The following REG3G variants were observed in gnomAD, a reference collection of about 807,000 sequenced individuals.
REG3G encodes the protein regenerating islet-derived protein 3-gamma.
REG3G carries 19 observed loss-of-function variants against 20.9 expected under a neutral mutation model. The observed-to-expected ratio is 0.91, with a 90% confidence interval of 0.64 to 1.34. The LOEUF (loss-of-function observed/expected upper bound fraction) is 1.34, where lower values mean the gene tolerates loss of function less well. Among genes scored for constraint, REG3G ranks in the 40% most tolerant of loss-of-function variants. REG3G has a pLI of 0.00. For missense variants in REG3G, 235 were observed against 205.0 expected (o/e 1.15, Z -0.89); for synonymous variants, 89 against 77.4 (o/e 1.15, Z -0.79).
At position 79,026,621 on chromosome 2, in the gene REG3G, C is replaced by T; in HGVS notation, c.77-92C>T. 3.0e-6 allele frequency: 3 copies of T among 1,005,772 alleles called. No individual in the cohort carries two copies. The South Asian group carries it at 4.6e-5, about 15-fold the overall frequency. The allele number at this position is 1,005,772 out of a possible 1,614,324, so 62.3% of individuals were successfully genotyped here. ...GAAGAGCTGTCAGGAATGTGGTCTT[C>T]CTCCCCAAGGGCAGACCTAGATATT... On this transcript the variant is annotated intron_variant, in intron 2 of 5. Coordinates refer to ENST00000272324, the MANE Select transcript of REG3G (RefSeq NM_001008387.3).
chr2:79,027,053 C>G lies in REG3G; in HGVS notation c.215C>G (p.Pro72Arg), dbSNP rs115709602. ...MDADLACQKR[P>R]SGKLVSVLSG... Reference sequence around the variant, plus strand: ...TCAAAGCTGGCTTGCCAGAAGCGGCCCTCTGGAAAACTGGTGTCTGTGCTC... The same window carrying G: ...TCAAAGCTGGCTTGCCAGAAGCGGCGCTCTGGAAAACTGGTGTCTGTGCTC... Residue 72 changes from proline (P) to arginine (R), a missense_variant, in exon 4 of 6, where the codon CCC (proline) becomes CGC (arginine). Transcript: ENST00000272324. 5.6e-3 allele frequency: 9,035 copies of G among 1,614,024 alleles called. 432 individuals are homozygous for G. The African/African-American group carries it at 0.11, about 19-fold the overall frequency.
At position 79,027,932 on chromosome 2, in the gene REG3G, A is replaced by T; in HGVS notation, c.459A>T (p.Thr153=). ...ACTGTGGGAGCCTGTCAAGAAGCAC[A>T]GGTAAGAAACAGAAGAGCTGCCTCT... ...PGHCGSLSRS[T]GFLKWKDYNC... is the part of the protein sequence containing the mutation. The change falls in exon 5 of 6, where the codon ACA becomes ACT. Residue 153 remains threonine, a splice_region_variant and synonymous_variant. Transcript: ENST00000272324. 6.2e-7 allele frequency: 1 copy of T among 1,614,006 alleles called. No homozygotes were observed. The highest frequency in any genetic ancestry group is 8.5e-7 in the Non-Finnish European group (1 of 1,179,936).
At chr2:79,027,265 T>G in intron 4 of REG3G, 94 bp downstream of exon 4, 1 of 1,333,110 alleles carries the variant, frequency 7.5e-7, no homozygotes, top group Non-Finnish European at 1.1e-6. Context: ...GGAAGTACTT[T>G]AGGGAGCACT....
chr2:79,028,055 C>A, intron 5 of REG3G, 122 bp downstream of exon 5: 1 of 1,332,756 alleles, frequency 7.5e-7, no homozygotes, highest in South Asian at 1.3e-5. Context: ...CCCGTCTCCT[C>A]TCATCTCTGC....
rs1671681853 is a variant in REG3G at position 79,028,449 on chromosome 2, T to C, written c.*173T>C. On this transcript the variant is annotated 3_prime_UTR_variant, in exon 6 of 6. Coordinates refer to ENST00000272324, the MANE Select transcript of REG3G (RefSeq NM_001008387.3). ...TTCACCTTCATTTCAGGCTTTTCTC[T>C]GTCTTCCATGTCTTGAGATCTCAGA... 3 of 555,386 alleles carry C rather than the reference T, an allele frequency of 5.4e-6. No homozygotes were observed. The highest frequency in any genetic ancestry group is 9.7e-6 in the Non-Finnish European group (3 of 309,692). 34.4% of individuals were successfully genotyped at this position (555,386 alleles called of 1,614,324 possible).
chr2:79,027,031 A>G lies in REG3G; in HGVS notation c.196-3A>G. 1 of 1,613,848 alleles carries G rather than the reference A, an allele frequency of 6.2e-7. No individual in the cohort carries two copies. On this transcript the variant is annotated splice_polypyrimidine_tract_variant and splice_region_variant and intron_variant, in intron 3 of 5. Transcript: ENST00000272324. Reference sequence around the variant, plus strand: ...CATCTCATTCTCTTTGTCCCCCTCAAAGCTGGCTTGCCAGAAGCGGCCCTC... The same window carrying G: ...CATCTCATTCTCTTTGTCCCCCTCAGAGCTGGCTTGCCAGAAGCGGCCCTC...
intron 4 of REG3G, 106 bp downstream of exon 4, chr2:79,027,277 G>A: frequency 8.1e-7 from 1 of 1,229,732 alleles, no homozygotes; most frequent in Non-Finnish European, 1.2e-6. Flanking sequence ...GGGAGCACTG[G>A]AGCTCAGATT....
Position 79,026,570 on chromosome 2 carries a change from G to C in REG3G, c.77-143G>C, listed in dbSNP as rs959529949. 1.0e-4 allele frequency: 70 copies of C among 699,368 alleles called. 2 individuals are homozygous for C. The highest frequency in any genetic ancestry group is 3.9e-4 in the Middle Eastern group (1 of 2,556). The allele number at this position is 699,368 out of a possible 1,614,324, so 43.3% of individuals were successfully genotyped here. ...TTTAGTAGGGCTATTTTGAGATAAA[G>C]AACTTCTGAAAACACAAGGGAAGAT... On this transcript the variant is annotated intron_variant, in intron 2 of 5. Transcript: ENST00000272324.
intron 5 of REG3G, 94 bp downstream of exon 5, chr2:79,028,027 A>T: frequency 6.6e-7 from 1 of 1,513,268 alleles, no homozygotes; most frequent in Non-Finnish European, 9.1e-7. Flanking sequence ...TAGGTAATGC[A>T]GTGTTTATGT....
chr2:79,028,186 C>T, intron 5 of REG3G, 23 bp from the exon 6 acceptor site: 2 of 1,565,830 alleles, frequency 1.3e-6, no homozygotes, highest in Non-Finnish European at 1.8e-6. Flanking sequence ...CAGCCCCATG[C>T]CTTTTATATT....
chr2:79,027,067 G>T lies in REG3G; in HGVS notation c.229G>T (p.Val77Leu). Residue 77 changes from valine (V) to leucine (L), a missense_variant, in exon 4 of 6, where the codon GTG becomes TTG. Physicochemically the swap from Val to Leu is conservative, Grantham distance 32. Coordinates refer to ENST00000272324, the MANE Select transcript of REG3G (RefSeq NM_001008387.3). ...ACQKRPSGKL[V>L]SVLSGAEGSF... ...CCAGAAGCGGCCCTCTGGAAAACTG[G>T]TGTCTGTGCTCAGTGGGGCTGAGGG... The T allele has an allele frequency of 6.2e-7, 1 of 1,614,122 alleles. No individual in the cohort carries two copies. The highest frequency in any genetic ancestry group is 8.5e-7 in the Non-Finnish European group (1 of 1,179,994).
Position 79,026,772 on chromosome 2 carries a change from G to C in REG3G, c.136G>C (p.Ala46Pro). Residue 46 changes from alanine (A) to proline (P), a missense_variant, in exon 3 of 6, where the codon GCC (alanine) becomes CCC (proline). By Grantham distance (27) the Ala-to-Pro change is conservative (BLOSUM62 -1). Transcript: ENST00000272324. ...PRISCPKGSK[A>P]YGSPCYALFL... is the part of the protein sequence containing the mutation. ...GATCAGCTGTCCCAAAGGCTCCAAG[G>C]CCTATGGCTCCCCCTGCTATGCCTT... 6.2e-7 allele frequency: 1 copy of C among 1,613,810 alleles called. No individual in the cohort carries two copies. Among genetic ancestry groups the C allele is most frequent in the Non-Finnish European group, 8.5e-7 (1 of 1,179,928 alleles).
chr2:79,027,051 G>T lies in REG3G; in HGVS notation c.213G>T (p.Arg71=). The change falls in exon 4 of 6, where the codon CGG becomes CGT. Residue 71 remains arginine, a synonymous_variant. Transcript: ENST00000272324. ...WMDADLACQK[R]PSGKLVSVLS... is the part of the protein sequence containing the mutation. ...CCTCAAAGCTGGCTTGCCAGAAGCGGCCCTCTGGAAAACTGGTGTCTGTGC... is the reference window on the plus strand; with the variant it reads ...CCTCAAAGCTGGCTTGCCAGAAGCGTCCCTCTGGAAAACTGGTGTCTGTGC... The T allele has an allele frequency of 6.2e-7, 1 of 1,614,062 alleles. No individual in the cohort carries two copies. The highest frequency in any genetic ancestry group is 8.5e-7 in the Non-Finnish European group (1 of 1,179,972).
Position 79,028,345 on chromosome 2 carries a change from C to A in REG3G, c.*69C>A. The A allele has an allele frequency of 9.7e-7, 1 of 1,025,742 alleles. No homozygotes were observed. The highest frequency in any genetic ancestry group is 1.6e-6 in the Non-Finnish European group (1 of 644,636). The allele number at this position is 1,025,742 out of a possible 1,614,324, so 63.5% of individuals were successfully genotyped here. On this transcript the variant is annotated 3_prime_UTR_variant, in exon 6 of 6. Transcript: ENST00000272324. ...CATGGACATGAGACCAGTGTGAAGA[C>A]TCACCCTGGAAGAGAATATTCTCCC...
At chr2:79,027,358 T>A in intron 4 of REG3G, 187 bp downstream of exon 4, 1 of 585,980 alleles carries the variant, frequency 1.7e-6, no homozygotes, top group South Asian at 2.7e-5. Context: ...AGATCCCTAG[T>A]CTTTAAAGAA....
chr2:79,028,101 G>A, intron 5 of REG3G, 108 bp from the exon 6 acceptor site: 1 of 1,269,366 alleles, frequency 7.9e-7, no homozygotes, highest in Non-Finnish European at 1.1e-6. Flanking sequence ...TTGAGAAACT[G>A]GTGAAGATGA....
At chr2:79,027,245 T>A in intron 4 of REG3G, 74 bp downstream of exon 4, 1 of 1,507,190 alleles carries the variant, frequency 6.6e-7, no homozygotes. Flanking sequence ...CTGTCCCCAG[T>A]CCCTGCCCAG....
intron 5 of REG3G, 53 bp from the exon 6 acceptor site, chr2:79,028,156 A>T: frequency 1.4e-6 from 2 of 1,413,500 alleles, no homozygotes; most frequent in Non-Finnish European, 1.0e-6. Context: ...ATGCCTCTTC[A>T]CTGGGTTCAC....
rs778449782 is a variant in REG3G, at chr2:79,027,820, A to G, written c.347A>G (p.Asp116Gly). 6 of 1,614,026 alleles carry G rather than the reference A, an allele frequency of 3.7e-6. No individual in the cohort carries two copies. Among genetic ancestry groups the G allele is most frequent in the Non-Finnish European group, 5.1e-6 (6 of 1,179,952 alleles). The change falls in exon 5 of 6, where the codon GAT becomes GGT. Residue 116 changes from aspartate (D) to glycine (G), a missense_variant. By Grantham distance (94) the Asp-to-Gly change is moderately conservative (BLOSUM62 -1). Coordinates refer to ENST00000272324, the MANE Select transcript of REG3G (RefSeq NM_001008387.3). ...TCTTCTCTATAGGGCTCTGAGCCTG[A>G]TGGAGATGGATGGGAGTGGAGTAGC... ...LHDPTQGSEP[D>G]GDGWEWSSTD... is the part of the protein sequence containing the mutation.
Sources: gnomAD v4.1 joint callset for allele counts on GRCh38, gnomAD v4.1.1 for gene constraint, MANE v1.5 for transcripts, NCBI Gene and HGNC (gene_info 2026-07-23, HGNC 2026-07-21) for gene names.